DNAI3: variants seen among roughly 807,000 people sequenced by gnomAD.
DNAI3 encodes dynein axonemal intermediate chain 3.
DNAI3 carries 83 observed loss-of-function variants against 115.5 expected under a neutral mutation model. The observed-to-expected ratio is 0.72, with a 90% CI of 0.60 to 0.86. The LOEUF (loss-of-function observed/expected upper bound fraction) is 0.86. DNAI3 is among the 40% of genes least tolerant of loss of function. The pLI is 0.00. For synonymous variants in DNAI3, 320 were observed against 347.0 expected (o/e 0.92, Z 0.86); for missense variants, 1,004 against 1,075.8 (o/e 0.93, Z 0.93).
In DNAI3 at chr1:85,082,284, A is replaced by C. The variant is rs1158251259; in HGVS notation, c.286-16A>C. ...CCATTGAACATTAACTTCCTATCTC[A>C]ATTATATTCTTGTAGGAATATCCTG... On this transcript the variant is annotated splice_polypyrimidine_tract_variant and intron_variant, in intron 4 of 22. Coordinates refer to ENST00000294664, the MANE Select transcript of DNAI3 (RefSeq NM_145172.5). 6.3e-7 allele frequency: 1 copy of C among 1,583,392 alleles called. No homozygotes were observed. The highest frequency in any genetic ancestry group is 8.7e-7 in the Non-Finnish European group (1 of 1,155,406).
intron 3 of DNAI3, among the ~76,000 whole-genome samples, chr1:85,074,000 G>C (rs1414213284): frequency 6.6e-6 from 1 of 152,272 alleles, no homozygotes; most frequent in Middle Eastern, 3.4e-3. Flanking sequence ...GCCTGCAGCA[G>C]GATATGCTGC....
At chr1:85,109,522 G>A (rs1655591093) in intron 15 of DNAI3, among the ~76,000 whole-genome samples, 1 of 152,136 alleles carries the variant, frequency 6.6e-6, no homozygotes, top group Non-Finnish European at 1.5e-5. Flanking sequence ...AAGGAGAAAG[G>A]GCTGAGGGAG....
intron 7 of DNAI3, among the ~76,000 whole-genome samples, chr1:85,088,280 G>A (rs1399259969): frequency 6.6e-6 from 1 of 152,086 alleles, no homozygotes; most frequent in Non-Finnish European, 1.5e-5. Context: ...AATAATATTG[G>A]CAGTGTTCCT....
chr1:85,121,588 C>T (rs918891553), intron 17 of DNAI3, among the ~76,000 whole-genome samples, 163 bp from the exon 18 acceptor site: 15 of 152,206 alleles, frequency 9.9e-5, no homozygotes, highest in African/African-American at 3.6e-4. Flanking sequence ...ATTGAGTACT[C>T]ATTTTGAGGC....
chr1:85,104,708 T>C, intron 14 of DNAI3, 111 bp downstream of exon 14: 1 of 852,504 alleles, frequency 1.2e-6, no homozygotes, highest in Non-Finnish European at 1.8e-6. Context: ...AGCAATTAAA[T>C]CTAATATAAC....
rs1655430260 is a variant in DNAI3 at position 85,104,574 on chromosome 1, A to G, written c.1530A>G (p.Gln510=). The change falls in exon 14 of 23, where the codon CAA becomes CAG. Residue 510 remains glutamine (Q), a synonymous_variant. Transcript: ENST00000294664. ...AGAATCGAAGTGGAATATGCTGTCAACTTGTCACATGTTCAGCAGATTGGT... is the reference window on the plus strand; with the variant it reads ...AGAATCGAAGTGGAATATGCTGTCAGCTTGTCACATGTTCAGCAGATTGGT... ...VFENRSGICC[Q]LVTCSADCTI... 2 of 1,613,796 alleles carry G rather than the reference A, an allele frequency of 1.2e-6. No homozygotes were observed. The highest frequency in any genetic ancestry group is 1.1e-5 in the South Asian group (1 of 91,062).
chr1:85,090,060 A>G, intron 7 of DNAI3, 56 bp from the exon 8 acceptor site: 1 of 842,212 alleles, frequency 1.2e-6, no homozygotes, highest in Non-Finnish European at 1.8e-6. Context: ...GTTGTGGCCC[A>G]TATTTGCTCT....
intron 7 of DNAI3, 43 bp downstream of exon 7, chr1:85,086,073 G>A: frequency 6.5e-7 from 1 of 1,538,638 alleles, no homozygotes; most frequent in Non-Finnish European, 8.9e-7. Context: ...GCCAGTTACA[G>A]TAAAATCTAG....
rs1373655887 is a variant in DNAI3 at position 85,126,689 on chromosome 1, C to A, written c.2291C>A (p.Thr764Asn). 1 of 1,614,126 alleles carries A rather than the reference C, an allele frequency of 6.2e-7. No homozygotes were observed. Among genetic ancestry groups the A allele is most frequent in the Non-Finnish European group, 8.5e-7 (1 of 1,180,004 alleles). ...QSQNICITMI[T>N]YIKPWIFSSK... The stretch of plus-strand genomic sequence containing the variant: ...CAAAACATTTGCATAACTATGATCA[C>A]CTACATCAAACCCTGGATCTTTTCT... Residue 764 changes from threonine to asparagine, a missense_variant, in exon 20 of 23, where the codon ACC becomes AAC. Thr to Asn is a moderately conservative substitution (Grantham distance 65). Transcript: ENST00000294664.
At chr1:85,066,314 C>CTTTTTTTTTTTT (rs57553075) in intron 1 of DNAI3, among the ~76,000 whole-genome samples, 3 of 70,014 alleles carry the variant, frequency 4.3e-5, no homozygotes, top group African/African-American at 1.2e-4. Flanking sequence ...TTCTGCTACT[C>CTTTTTTTTTTTT]TTTTTTTTTT....
intron 13 of DNAI3, among the ~76,000 whole-genome samples, chr1:85,100,901 C>T (rs1655282061): frequency 6.6e-6 from 1 of 151,746 alleles, no homozygotes; most frequent in South Asian, 2.1e-4. Context: ...CATGTTCTCA[C>T]CCATAGGTGG....
chr1:85,127,765 A>G (rs1656191607), intron 20 of DNAI3, among the ~76,000 whole-genome samples: 1 of 152,164 alleles, frequency 6.6e-6, no homozygotes, highest in Non-Finnish European at 1.5e-5. Context: ...AGGATTTTGC[A>G]ATTTGAAGCA....
At chr1:85,087,254 G>C (rs1041718683) in intron 7 of DNAI3, among the ~76,000 whole-genome samples, 1 of 151,686 alleles carries the variant, frequency 6.6e-6, no homozygotes, top group Non-Finnish European at 1.5e-5. Flanking sequence ...TGGCCAACAC[G>C]GTGAAACCCC....
At chr1:85,108,378 T>C (rs1413500342) in intron 15 of DNAI3, among the ~76,000 whole-genome samples, 2 of 152,228 alleles carry the variant, frequency 1.3e-5, no homozygotes, top group African/African-American at 4.8e-5. Flanking sequence ...TTGATACATG[T>C]TATTGTATAT....
At chr1:85,082,882 A>G (rs1654677768) in intron 5 of DNAI3, among the ~76,000 whole-genome samples, 1 of 152,164 alleles carries the variant, frequency 6.6e-6, no homozygotes, top group Admixed American at 6.5e-5. Context: ...GTGAATCTGG[A>G]GTACCGCTTT....
chr1:85,111,727 G>A (rs1655667255), intron 16 of DNAI3, among the ~76,000 whole-genome samples: 1 of 152,152 alleles, frequency 6.6e-6, no homozygotes, highest in African/African-American at 2.4e-5. Flanking sequence ...CAGTTTATAG[G>A]AAGGATATCA....
intron 11 of DNAI3, among the ~76,000 whole-genome samples, chr1:85,096,769 G>A (rs1055665016): frequency 6.6e-6 from 1 of 151,936 alleles, no homozygotes; most frequent in African/African-American, 2.4e-5. Context: ...AATGTCTGCA[G>A]CTTCCATGTC....
rs761125071 is a variant in DNAI3 at position 85,128,763 on chromosome 1, A to T, written c.2373A>T (p.Glu791Asp). The change falls in exon 21 of 23, where the codon GAA (glutamate) becomes GAT (aspartate). Residue 791 changes from glutamate to aspartate, a missense_variant. Around this residue, in one of 3 missense-constraint regions of DNAI3, gnomAD observed 429 missense variants for 454.3 expected, o/e 0.94. Coordinates refer to ENST00000294664, the MANE Select transcript of DNAI3 (RefSeq NM_145172.5). ...ATTATGGAACACTGCATATATTAGA[A>T]ATTCCTTGGACATTAAGTCGCCCTT... ...ADYYGTLHILEIPWTLSRPST... is the reference protein window; with the variant it reads ...ADYYGTLHILDIPWTLSRPST... 8 of 1,613,122 alleles carry T rather than the reference A, an allele frequency of 5.0e-6. No individual in the cohort carries two copies. Among genetic ancestry groups the T allele is most frequent in the Non-Finnish European group, 1.7e-6 (2 of 1,179,838 alleles).
intron 5 of DNAI3, among the ~76,000 whole-genome samples, chr1:85,083,765 C>T (rs554581650): frequency 3.0e-4 from 46 of 152,120 alleles, no homozygotes; most frequent in South Asian, 2.5e-3. Flanking sequence ...CACTCCCTCT[C>T]GTATCCTCCC....
Sources: allele counts gnomAD v4.1 joint callset (sites outside exome capture counted in the v4.1 genomes callset), GRCh38; gene constraint gnomAD v4.1.1; regional missense constraint gnomAD v4.1.1; transcripts MANE v1.5; gene names NCBI Gene and HGNC (gene_info 2026-07-23, HGNC 2026-07-21).